The following CACNA1S variants were observed in gnomAD, a reference collection of about 807,000 sequenced individuals.
The protein encoded by CACNA1S is calcium voltage-gated channel subunit alpha1 S, also known as voltage-dependent L-type calcium channel subunit alpha-1S.
In CACNA1S, 126 loss-of-function variants were observed where a neutral mutation model predicts 207.4. The ratio of observed to expected loss-of-function variants is 0.61; its 90% CI spans 0.53 to 0.70. The LOEUF (loss-of-function observed/expected upper bound fraction) is 0.70. Ranked by LOEUF, CACNA1S falls within the 30% of genes least tolerant of loss-of-function variation. The probability of loss-of-function intolerance (pLI) is 0.00; values close to 1 mark genes in which losing one functional copy is unlikely to be tolerated. For missense variants in CACNA1S, 2,349 were observed against 2,422.8 expected (o/e 0.97, Z 0.64); for synonymous variants, 960 against 932.7 (o/e 1.03, Z -0.53).
At chr1:201,093,560 C>A (rs1662314403) in intron 3 of CACNA1S, among the ~76,000 whole-genome samples, 1 of 152,202 alleles carries the variant, frequency 6.6e-6, no homozygotes, top group African/African-American at 2.4e-5. Flanking sequence ...GGCTGAGAAA[C>A]TTATGAACAT....
At chr1:201,070,829 C>T (rs1661417536) in intron 16 of CACNA1S, among the ~76,000 whole-genome samples, 1 of 152,118 alleles carries the variant, frequency 6.6e-6, no homozygotes, top group African/African-American at 2.4e-5. Context: ...CCTTCCTTAG[C>T]GTCAGTTTCC....
At chr1:201,062,387 T>C in intron 23 of CACNA1S, 75 bp downstream of exon 23, 1 of 1,416,446 alleles carries the variant, frequency 7.1e-7, no homozygotes, top group South Asian at 1.1e-5. Context: ...CCTCCCACAG[T>C]GCTCCCTGCC....
intron 22 of CACNA1S, among the ~76,000 whole-genome samples, chr1:201,063,532 G>A (rs972110251): frequency 6.6e-6 from 1 of 152,152 alleles, no homozygotes; most frequent in South Asian, 2.1e-4. Flanking sequence ...CAAGTGATCC[G>A]CCCGCCTCGG....
intron 23 of CACNA1S, 101 bp downstream of exon 23, chr1:201,062,361 G>T: frequency 8.2e-7 from 1 of 1,218,670 alleles, no homozygotes; most frequent in Non-Finnish European, 1.2e-6. Context: ...CACACTCCCT[G>T]CCCCGTGACC....
At chr1:201,055,470 T>C (rs904044968) in intron 28 of CACNA1S, among the ~76,000 whole-genome samples, 3 of 152,246 alleles carry the variant, frequency 2.0e-5, no homozygotes, top group African/African-American at 7.2e-5. Flanking sequence ...CAGGTGATTC[T>C]CATATGCAAG....
chr1:201,045,681 G>A (rs538265468), intron 38 of CACNA1S, among the ~76,000 whole-genome samples: 25 of 139,190 alleles, frequency 1.8e-4, no homozygotes, highest in African/African-American at 5.7e-4. Flanking sequence ...GTCGCAGTGA[G>A]CCAAGATCAT....
At chr1:201,091,912 G>A (rs1016720625) in intron 4 of CACNA1S, 60 bp downstream of exon 4, 1 of 1,610,132 alleles carries the variant, frequency 6.2e-7, no homozygotes, top group African/African-American at 1.3e-5. Flanking sequence ...ACCCAGAACT[G>A]GGGGACAAGG....
Position 201,053,784 on chromosome 1 carries a change from G to C in CACNA1S, c.3667-197C>G, listed in dbSNP as rs1258708858. Among the ~76,000 whole-genome samples the C allele has an allele frequency of 6.6e-6, 1 of 152,212 alleles. No individual in the cohort carries two copies. Among genetic ancestry groups the C allele is most frequent in the African/African-American group, 2.4e-5 (1 of 41,460 alleles). The stretch of plus-strand genomic sequence containing the variant: ...CAGGGCTCTGGGGCTGTTCAGCTGG[G>C]AGGCAGGGAAGAGGACGTGGGGCAC... On this transcript the variant is annotated intron_variant, in intron 29 of 43. Transcript: ENST00000362061. This position sits in a 1 kb window ranked among gnomAD's most constrained non-coding sequence, Gnocchi z 5.1.
intron 2 of CACNA1S, among the ~76,000 whole-genome samples, chr1:201,106,925 A>G (rs967148578): frequency 5.3e-5 from 8 of 152,190 alleles, no homozygotes; most frequent in African/African-American, 1.9e-4. Context: ...GACTGCAGCA[A>G]TGTCAGCCCA....
At chr1:201,065,758 ATG>A (rs1661212952) in intron 22 of CACNA1S, 78 bp downstream of exon 22, 5 of 929,172 alleles carry the variant, frequency 5.4e-6, no homozygotes, top group African/African-American at 4.8e-5. Flanking sequence ...TGTTTTCACA[ATG>A]TGGGGCTCCT....
chr1:201,110,049 A>T lies in CACNA1S; in HGVS notation c.258+115T>A, dbSNP rs571649452. 2.1e-4 allele frequency: 201 copies of T among 948,466 alleles called. No homozygotes were observed. In the African/African-American group the frequency reaches 2.8e-3, roughly 13 times the overall value. 58.8% of individuals were successfully genotyped at this position (948,466 alleles called of 1,614,324 possible). A position where few individuals can be genotyped will look rare whatever the true frequency, so the allele number is the denominator to read the frequency against. ...AGGTGGCTGGGGATGCAGGGCCTGC[A>T]TCGTCAGGGAGTTGAACCACCGGCA... On this transcript the variant is annotated intron_variant, in intron 2 of 43. Coordinates refer to ENST00000362061, the MANE Select transcript of CACNA1S (RefSeq NM_000069.3).
chr1:201,102,218 G>A (rs1352785495), intron 2 of CACNA1S, among the ~76,000 whole-genome samples: 2 of 152,156 alleles, frequency 1.3e-5, no homozygotes, highest in East Asian at 3.9e-4. Flanking sequence ...GAAGTGTGGG[G>A]CAGGCTCCAG....
intron 2 of CACNA1S, 27 bp from the exon 3 acceptor site, chr1:201,094,048 T>A: frequency 6.2e-7 from 1 of 1,614,016 alleles, no homozygotes; most frequent in South Asian, 1.1e-5. Context: ...GGTCACAGCA[T>A]GCCTCTGTGC....
At chr1:201,104,704 T>C (rs1572073685) in intron 2 of CACNA1S, among the ~76,000 whole-genome samples, 1 of 152,260 alleles carries the variant, frequency 6.6e-6, no homozygotes, top group East Asian at 1.9e-4. Flanking sequence ...TGACATAGGA[T>C]TGCTTTGAGG....
At chr1:201,045,942 G>A (rs1660454900) in intron 38 of CACNA1S, among the ~76,000 whole-genome samples, 1 of 151,732 alleles carries the variant, frequency 6.6e-6, no homozygotes, top group Non-Finnish European at 1.5e-5. Flanking sequence ...CAGAAAAAAA[G>A]GTTTTATATT....
chr1:201,084,832 C>T, intron 9 of CACNA1S, 118 bp downstream of exon 9: 1 of 763,006 alleles, frequency 1.3e-6, no homozygotes, highest in Non-Finnish European at 2.3e-6. Flanking sequence ...AAAAGGCTGC[C>T]TTTCTAAAGG....
rs1660366455 is a variant in CACNA1S, at chr1:201,043,544, A to G, written c.4798-13T>C. ...GGCCTCCAGTCCTCTAGGGGCAAGG[A>G]GAAGAGCAGTGACTGGGGGTGAGGG... On this transcript the variant is annotated splice_polypyrimidine_tract_variant and intron_variant, in intron 39 of 43. Coordinates refer to ENST00000362061, the MANE Select transcript of CACNA1S (RefSeq NM_000069.3). 1.2e-6 allele frequency: 2 copies of G among 1,613,536 alleles called. No homozygotes were observed. The highest frequency in any genetic ancestry group is 2.2e-5 in the South Asian group (2 of 91,058).
chr1:201,074,380 C>A, intron 14 of CACNA1S, 126 bp downstream of exon 14: 1 of 713,430 alleles, frequency 1.4e-6, no homozygotes, highest in Non-Finnish European at 2.6e-6. Flanking sequence ...GAAGTTTGCC[C>A]ACTGAGGTGG....
chr1:201,096,690 A>G (rs1483923606), intron 2 of CACNA1S, among the ~76,000 whole-genome samples: 1 of 152,222 alleles, frequency 6.6e-6, no homozygotes, highest in Non-Finnish European at 1.5e-5. Context: ...TAAATCTGAA[A>G]TAATGAGAGC....
Sources: gnomAD v4.1 joint callset for allele counts (sites outside exome capture counted in the v4.1 genomes callset) on GRCh38, gnomAD v4.1.1 for gene constraint, Gnocchi (gnomAD v3.1) non-coding constraint, MANE v1.5 for transcripts, NCBI Gene and HGNC (gene_info 2026-07-23, HGNC 2026-07-21) for gene names.